Variants in SEMA7A observed in about 807,000 individuals in gnomAD.
SEMA7A encodes semaphorin 7A (JohnMiltonHagen blood group), also known as semaphorin-7A.
SEMA7A carries 21 observed loss-of-function variants against 67.5 expected under a neutral mutation model. The observed-to-expected ratio is 0.31, with a 90% CI of 0.22 to 0.45. SEMA7A has a LOEUF of 0.45. SEMA7A is among the 20% of genes least tolerant of loss of function. The pLI is 1.00. For synonymous variants in SEMA7A, 364 were observed against 368.5 expected, an observed-to-expected ratio of 0.99 and a Z score of 0.14; for missense variants, 774 against 908.6, an observed-to-expected ratio of 0.85 and a Z score of 1.90.
rs387907241 is a variant in SEMA7A at position 74,414,893 on chromosome 15, C to A, written c.1040G>T (p.Arg347Leu). ...YSLGDIDKVF[R>L]TSSLKGYHSS... ...GTGGTAGCCCTTGAGTGAGGAGGTACGGAAGACCTTGTCAATGTCACCGAG... is the reference window on the plus strand; with the variant it reads ...GTGGTAGCCCTTGAGTGAGGAGGTAAGGAAGACCTTGTCAATGTCACCGAG... The change falls in exon 9 of 14, where the codon CGT becomes CTT. Residue 347 changes from arginine (R) to leucine (L), a missense_variant. Physicochemically the swap from Arg to Leu is moderately radical, Grantham distance 102 (BLOSUM62 -2). This residue lies in a region of SEMA7A where 427 missense variants were observed against 555.4 expected (regional missense o/e 0.77). Coordinates refer to ENST00000261918, the MANE Select transcript of SEMA7A (RefSeq NM_003612.5). This position sits in a 1 kb window ranked among gnomAD's most constrained non-coding sequence, Gnocchi z 4.1. The A allele has an allele frequency of 1.9e-6, 3 of 1,614,178 alleles. No individual in the cohort carries two copies. The highest frequency in any genetic ancestry group is 8.5e-7 in the Non-Finnish European group (1 of 1,180,026).
chr15:74,412,888 A>G (rs371403334), intron 10 of SEMA7A, among the ~76,000 whole-genome samples: 2 of 152,198 alleles, frequency 1.3e-5, no homozygotes, highest in East Asian at 3.8e-4. Context: ...AGAGTTCCCA[A>G]GGTCTTATAA....
intron 1 of SEMA7A, among the ~76,000 whole-genome samples, chr15:74,427,551 G>A (rs181156178): frequency 3.9e-5 from 6 of 152,110 alleles, no homozygotes; most frequent in African/African-American, 9.6e-5. Context: ...GGCTGGTCTC[G>A]AACTCCTGAC....
chr15:74,433,478 T>G, intron 1 of SEMA7A: 1 of 1,019,604 alleles, frequency 9.8e-7, no homozygotes, highest in Non-Finnish European at 1.2e-6. Context: ...TTGCGGCTCC[T>G]GGCTGCCAGG....
Position 74,418,919 on chromosome 15 carries a change from T to C in SEMA7A, c.212A>G (p.Gln71Arg). The change falls in exon 2 of 14, where the codon CAG becomes CGG. Residue 71 changes from glutamine (Q) to arginine (R), a missense_variant. This residue lies in a region of SEMA7A where 347 missense variants were observed against 353.2 expected (regional missense o/e 0.98). Transcript: ENST00000261918. The stretch of plus-strand genomic sequence containing the variant: ...GAAAAGCACCGTGTGCGGCTCAGTC[T>C]GGCCAAAGTCCACCCGGTCCTGCCC... ...HVGQDRVDFGQTEPHTVLFHE... is the reference protein window; with the variant it reads ...HVGQDRVDFGRTEPHTVLFHE... The C allele has an allele frequency of 2.5e-6, 4 of 1,613,796 alleles. No homozygotes were observed. Among genetic ancestry groups the C allele is most frequent in the Non-Finnish European group, 3.4e-6 (4 of 1,180,012 alleles).
chr15:74,410,762 G>C lies in SEMA7A; in HGVS notation c.1863C>G (p.Phe621Leu), dbSNP rs1361651762. 6.2e-7 allele frequency: 1 copy of C among 1,614,188 alleles called. No individual in the cohort carries two copies. Among genetic ancestry groups the C allele is most frequent in the Non-Finnish European group, 8.5e-7 (1 of 1,180,048 alleles). ...GCAGCTGCCAGTGCTGAGCCTCGCG[G>C]AAGTAGGAGCCCTCCTGGGCCTCGC... is the stretch of plus-strand genomic sequence containing the variant. ...YFCEAQEGSYFREAQHWQLLP... is the reference protein window; with the variant it reads ...YFCEAQEGSYLREAQHWQLLP... Residue 621 changes from phenylalanine (F) to leucine (L), a missense_variant, in exon 14 of 14, where the codon TTC becomes TTG. Transcript: ENST00000261918. This position sits in a 1 kb window ranked among gnomAD's most constrained non-coding sequence, Gnocchi z 7.5.
chr15:74,427,393 A>C (rs1414833729), intron 1 of SEMA7A: 2 of 985,308 alleles, frequency 2.0e-6, no homozygotes, highest in Non-Finnish European at 2.4e-6. Flanking sequence ...GGAGTGCAGA[A>C]GTCATCACAG....
intron 1 of SEMA7A, among the ~76,000 whole-genome samples, chr15:74,422,954 G>T (rs2061012835): frequency 6.6e-6 from 1 of 152,228 alleles, no homozygotes; most frequent in African/African-American, 2.4e-5. Context: ...TCCATGAAGG[G>T]GCTGGGTCCC....
intron 1 of SEMA7A, 43 bp downstream of exon 1, chr15:74,433,698 A>T: frequency 1.4e-6 from 2 of 1,385,606 alleles, no homozygotes; most frequent in Non-Finnish European, 9.3e-7. Flanking sequence ...CGCCCCGCGC[A>T]GCGTCTGATC....
chr15:74,413,427 A>C (rs2060918745), intron 10 of SEMA7A, among the ~76,000 whole-genome samples: 2 of 152,180 alleles, frequency 1.3e-5, no homozygotes, highest in Admixed American at 1.3e-4. Context: ...TAATCACTCA[A>C]GTGTGCTCAC....
intron 6 of SEMA7A, 147 bp from the exon 7 acceptor site, chr15:74,416,861 T>C: frequency 1.2e-6 from 1 of 853,042 alleles, no homozygotes; most frequent in Non-Finnish European, 1.8e-6. Flanking sequence ...CAGGTCCAAC[T>C]CCCCGAGGGG....
chr15:74,416,287 C>G (rs1000987777), intron 7 of SEMA7A, among the ~76,000 whole-genome samples: 3 of 152,014 alleles, frequency 2.0e-5, no homozygotes, highest in Middle Eastern at 3.2e-3. Flanking sequence ...CACACACCCA[C>G]ACACGTGGCA....
intron 1 of SEMA7A, among the ~76,000 whole-genome samples, chr15:74,433,437 G>T (rs984106996): frequency 6.6e-6 from 1 of 151,798 alleles, no homozygotes; most frequent in Non-Finnish European, 1.5e-5. Context: ...GGCCGAGAGA[G>T]GGGCCCGCCC....
rs1220199482 is a variant in SEMA7A at position 74,411,328 on chromosome 15, C to G, written c.1606G>C (p.Glu536Gln). The G allele has an allele frequency of 6.2e-7, 1 of 1,613,930 alleles. No homozygotes were observed. Among genetic ancestry groups the G allele is most frequent in the Admixed American group, 1.7e-5 (1 of 59,980 alleles). The change falls in exon 13 of 14, where the codon GAG (glutamate) becomes CAG (glutamine). Residue 536 changes from glutamate (E) to glutamine (Q), a missense_variant. Physicochemically the swap from Glu to Gln is conservative, Grantham distance 29. Transcript: ENST00000261918. This position sits in a 1 kb window ranked among gnomAD's most constrained non-coding sequence, Gnocchi z 4.4. The stretch of plus-strand genomic sequence containing the variant: ...GGGTTGGGACACTCCTTGTGTGGCT[C>G]GGCTGGATTAATGGATTGCAGCACT... ...RSVLQSINPA[E>Q]PHKECPNPKP... is the part of the protein sequence containing the mutation.
chr15:74,425,583 C>A (rs777604876), intron 1 of SEMA7A, among the ~76,000 whole-genome samples: 1 of 152,158 alleles, frequency 6.6e-6, no homozygotes, highest in Non-Finnish European at 1.5e-5. Context: ...GACCTCTGCC[C>A]GTAACACCCT....
At chr15:74,429,343 C>G (rs902332822) in intron 1 of SEMA7A, among the ~76,000 whole-genome samples, 2 of 152,204 alleles carry the variant, frequency 1.3e-5, no homozygotes, top group African/African-American at 4.8e-5. Flanking sequence ...CTTGGCCCTC[C>G]TCAAAAAACA....
intron 2 of SEMA7A, 71 bp downstream of exon 2, chr15:74,418,728 CCT>C: frequency 6.5e-7 from 1 of 1,542,598 alleles, no homozygotes; most frequent in East Asian, 2.3e-5. Flanking sequence ...CCTCGGATTC[CCT>C]GAGGACCCTT....
chr15:74,418,350 TG>T, intron 2 of SEMA7A, 41 bp from the exon 3 acceptor site: 1 of 1,602,758 alleles, frequency 6.2e-7, no homozygotes, highest in Non-Finnish European at 8.5e-7. Context: ...CTGCCAGGGG[TG>T]AGGTACCCCT....
At chr15:74,418,143 G>A in intron 3 of SEMA7A, 125 bp downstream of exon 3, 2 of 1,181,290 alleles carry the variant, frequency 1.7e-6, no homozygotes, top group Non-Finnish European at 2.5e-6. Flanking sequence ...TAAGCACAGA[G>A]GACCACGTCT....
At chr15:74,422,605 G>A (rs1167466572) in intron 1 of SEMA7A, among the ~76,000 whole-genome samples, 1 of 152,180 alleles carries the variant, frequency 6.6e-6, no homozygotes, top group Admixed American at 6.5e-5. Flanking sequence ...GCCCAGCTCC[G>A]GCCAGATAGG....
Sources: allele counts gnomAD v4.1 joint callset (sites outside exome capture counted in the v4.1 genomes callset), GRCh38; gene constraint gnomAD v4.1.1; regional missense constraint gnomAD v4.1.1; non-coding constraint Gnocchi (gnomAD v3.1); transcripts MANE v1.5; gene names NCBI Gene and HGNC (gene_info 2026-07-23, HGNC 2026-07-21).